Variants in GRIA3 observed in about 807,000 individuals in gnomAD.
The protein encoded by GRIA3 is glutamate ionotropic receptor AMPA type subunit 3.
In GRIA3, 3 loss-of-function variants were observed where a neutral mutation model predicts 63.0. The observed-to-expected ratio is 0.05, with a 90% CI of 0.02 to 0.12. GRIA3 has a LOEUF of 0.12. Among genes scored for constraint, GRIA3 ranks in the 10% least tolerant of loss-of-function variants. GRIA3 has a pLI of 1.00. For synonymous variants in GRIA3, 274 were observed against 257.9 expected, an observed-to-expected ratio of 1.06 and a Z score of -0.60; for missense variants, 347 against 700.9, an observed-to-expected ratio of 0.50 and a Z score of 5.70.
Position 123,253,286 on chromosome X carries a change from T to C in GRIA3, c.269-17T>C. 8.3e-7 allele frequency: 1 copy of C among 1,209,234 alleles called. No homozygotes were observed. Among genetic ancestry groups the C allele is most frequent in the Non-Finnish European group, 1.1e-6 (1 of 893,351 alleles). Reference sequence around the variant, plus strand: ...ACCATGGAGCTATTGAATCTTTTTCTCTTTTTCTCATTGCAGTCTGCTCCC... The same window carrying C: ...ACCATGGAGCTATTGAATCTTTTTCCCTTTTTCTCATTGCAGTCTGCTCCC... On this transcript the variant is annotated splice_polypyrimidine_tract_variant and intron_variant, in intron 2 of 15. Coordinates refer to ENST00000620443, the MANE Select transcript of GRIA3 (RefSeq NM_007325.5).
chrX:123,384,191 C>T (rs2045341046), intron 5 of GRIA3, among the ~76,000 whole-genome samples: 1 of 111,863 alleles, frequency 8.9e-6, no homozygotes, highest in South Asian at 3.7e-4. Flanking sequence ...TATAATGCAA[C>T]GATTTATATT....
intron 2 of GRIA3, among the ~76,000 whole-genome samples, chrX:123,236,238 C>CA (rs1252979510): frequency 9.0e-6 from 1 of 111,370 alleles, no homozygotes; most frequent in Non-Finnish European, 1.9e-5. Flanking sequence ...TTCTTAAACA[C>CA]AGATGAAAAC....
rs992727386 is a variant in GRIA3, at chrX:123,361,889, T to C, written c.750+6926T>C. ...CAAGATCTTCATGGACCAGTAAACA[T>C]GCAACAAAAATAAATTACTTAAAAA... On this transcript the variant is annotated intron_variant, in intron 5 of 15. Coordinates refer to ENST00000620443, the MANE Select transcript of GRIA3 (RefSeq NM_007325.5). 3.6e-5 allele frequency among the ~76,000 whole-genome samples: 4 copies of C among 111,625 alleles called. No individual in the cohort carries two copies. The South Asian group carries it at 1.5e-3, about 42-fold the overall frequency.
chrX:123,403,343 A>G (rs1036372759), intron 8 of GRIA3, 69 bp from the exon 9 acceptor site: 1 of 733,239 alleles, frequency 1.4e-6, no homozygotes, highest in Non-Finnish European at 2.2e-6. Flanking sequence ...CCACAACAGC[A>G]CTTCAATTTC....
At chrX:123,486,138 GGGAA>G (rs1178119570) in intron 15 of GRIA3, among the ~76,000 whole-genome samples, 7 of 95,183 alleles carry the variant, frequency 7.4e-5, no homozygotes, top group African/African-American at 2.7e-4. Flanking sequence ...GAAGGAAGGA[GGGAA>G]GGAAGGAAGG....
At chrX:123,305,049 T>C (rs969288650) in intron 3 of GRIA3, among the ~76,000 whole-genome samples, 1 of 111,498 alleles carries the variant, frequency 9.0e-6, no homozygotes, top group Non-Finnish European at 1.9e-5. Flanking sequence ...TCTATAATGT[T>C]AAATATTTCT....
At chrX:123,428,855 A>C (rs1053457579) in intron 12 of GRIA3, among the ~76,000 whole-genome samples, 3 of 112,284 alleles carry the variant, frequency 2.7e-5, no homozygotes, top group Middle Eastern at 4.6e-3. Context: ...TAGAAGGATA[A>C]TATGAGGGAC....
At chrX:123,479,925 G>A in intron 13 of GRIA3, 138 bp from the exon 14 acceptor site, 1 of 481,679 alleles carries the variant, frequency 2.1e-6, no homozygotes, top group Non-Finnish European at 3.7e-6. Context: ...GTAATGCTCA[G>A]GTTGCCTGCA....
intron 4 of GRIA3, among the ~76,000 whole-genome samples, chrX:123,347,197 T>C (rs1224289265): frequency 9.0e-6 from 1 of 111,621 alleles, no homozygotes; most frequent in Admixed American, 9.5e-5. Flanking sequence ...GCTGGCAGAG[T>C]GGGGAAAATA....
At chrX:123,282,209 G>T (rs2044590116) in intron 3 of GRIA3, among the ~76,000 whole-genome samples, 1 of 112,010 alleles carries the variant, frequency 8.9e-6, no homozygotes, top group South Asian at 3.7e-4. Context: ...GACTGTCTTG[G>T]AGTTAAAAGT....
intron 2 of GRIA3, among the ~76,000 whole-genome samples, chrX:123,192,814 C>G (rs918781380): frequency 4.5e-5 from 5 of 111,401 alleles, no homozygotes; most frequent in Non-Finnish European, 9.4e-5. Context: ...GTTAATTTTT[C>G]ATGTGCACAC....
chrX:123,350,065 C>T (rs16997324), intron 4 of GRIA3, among the ~76,000 whole-genome samples: 9 of 110,826 alleles, frequency 8.1e-5, no homozygotes, highest in African/African-American at 3.0e-4. Context: ...TGAAAAATAT[C>T]CCCTCTTTGA....
At chrX:123,350,415 TA>T (rs1026861432) in intron 4 of GRIA3, among the ~76,000 whole-genome samples, 3 of 111,495 alleles carry the variant, frequency 2.7e-5, no homozygotes, top group African/African-American at 6.5e-5. Flanking sequence ...TCCACACACA[TA>T]TTTTTTTCTA....
chrX:123,298,109 C>T (rs185713280), intron 3 of GRIA3, among the ~76,000 whole-genome samples: 13 of 111,443 alleles, frequency 1.2e-4, no homozygotes, highest in African/African-American at 3.6e-4. Flanking sequence ...TATATTATGA[C>T]ATTTTCTTTA....
intron 3 of GRIA3, among the ~76,000 whole-genome samples, chrX:123,325,239 TC>T (rs1488572032): frequency 8.9e-6 from 1 of 111,810 alleles, no homozygotes; most frequent in Non-Finnish European, 1.9e-5. Context: ...GGATCATACT[TC>T]AGATATTTTG....
intron 12 of GRIA3, 32 bp from the exon 13 acceptor site, chrX:123,464,833 C>T: frequency 8.4e-7 from 1 of 1,191,118 alleles, no homozygotes; most frequent in Non-Finnish European, 1.1e-6. Context: ...GAATATCTGG[C>T]AGCTCTAAGA....
intron 12 of GRIA3, among the ~76,000 whole-genome samples, chrX:123,435,889 A>T (rs2045641453): frequency 8.9e-6 from 1 of 111,950 alleles, no homozygotes; most frequent in African/African-American, 3.2e-5. Flanking sequence ...TTCATTTATC[A>T]GGGAGAATAT....
intron 3 of GRIA3, among the ~76,000 whole-genome samples, chrX:123,319,816 GA>G (rs35660016): frequency 0.063 from 4,414 of 70,213 alleles, 217 homozygotes; most frequent in African/African-American, 0.18. Flanking sequence ...AACACCTCAG[GA>G]AAAAAAAAAA....
chrX:123,467,629 G>A (rs1490519347), intron 13 of GRIA3, among the ~76,000 whole-genome samples: 1 of 111,961 alleles, frequency 8.9e-6, no homozygotes, highest in Non-Finnish European at 1.9e-5. Context: ...TTGCTCTCAC[G>A]AATTCATCAT....
Sources: allele counts gnomAD v4.1 joint callset (sites outside exome capture counted in the v4.1 genomes callset), GRCh38; gene constraint gnomAD v4.1.1; transcripts MANE v1.5; gene names NCBI Gene and HGNC (gene_info 2026-07-23, HGNC 2026-07-21).